LIMD1: variants seen among roughly 807,000 people sequenced by gnomAD.
LIMD1 encodes LIM domain-containing protein 1.
A neutral mutation model predicts 58.4 loss-of-function variants in LIMD1; 23 were observed. That is an observed-to-expected ratio of 0.39 (90% CI 0.28 to 0.56). The LOEUF (loss-of-function observed/expected upper bound fraction) is 0.56. Ranked by LOEUF, LIMD1 falls within the 20% of genes least tolerant of loss-of-function variation. The pLI is 0.57. For synonymous variants in LIMD1, 334 were observed against 345.5 expected, an observed-to-expected ratio of 0.97 and a Z score of 0.37; for missense variants, 838 against 855.5, an observed-to-expected ratio of 0.98 and a Z score of 0.25.
At chr3:45,616,594 C>T (rs1263652300) in intron 1 of LIMD1, among the ~76,000 whole-genome samples, 4 of 151,564 alleles carry the variant, frequency 2.6e-5, no homozygotes, top group Admixed American at 6.6e-5. Context: ...GGGTCCCCCT[C>T]CTGGCTGTGA....
intron 1 of LIMD1, among the ~76,000 whole-genome samples, chr3:45,610,396 C>T (rs150231370): frequency 6.6e-6 from 1 of 152,120 alleles, no homozygotes; most frequent in African/African-American, 2.4e-5. Flanking sequence ...GATGAGCGCT[C>T]TCATGTGGGT....
intron 1 of LIMD1, among the ~76,000 whole-genome samples, chr3:45,611,040 G>T (rs1208801719): frequency 6.6e-6 from 1 of 152,294 alleles, no homozygotes; most frequent in Middle Eastern, 3.4e-3. Flanking sequence ...TTTCTGCTGG[G>T]CAGGGCTGTG....
In LIMD1 at chr3:45,667,622, ATAAGG is replaced by A. The variant is rs1343075447; in HGVS notation, c.1579-663_1579-659del. On this transcript the variant is annotated intron_variant, in intron 3 of 7. Coordinates refer to ENST00000273317, the MANE Select transcript of LIMD1 (RefSeq NM_014240.3). Reference sequence around the variant, plus strand: ...GTGTGTGTGTATGTGTTTAGGTAAGATAAGGTAAGGTAAAGTAGATATTTATTAAG... The same window carrying A: ...GTGTGTGTGTATGTGTTTAGGTAAGATAAGGTAAAGTAGATATTTATTAAG... 1.5e-4 allele frequency among the ~76,000 whole-genome samples: 23 copies of A among 151,086 alleles called. No homozygotes were observed. The South Asian group carries it at 4.3e-3, about 28-fold the overall frequency.
chr3:45,673,469 G>T lies in LIMD1; in HGVS notation c.1788G>T (p.Lys596Asn). 2 of 1,614,064 alleles carry T rather than the reference G, an allele frequency of 1.2e-6. No homozygotes were observed. Among genetic ancestry groups the T allele is most frequent in the Non-Finnish European group, 1.7e-6 (2 of 1,179,934 alleles). Residue 596 changes from lysine (K) to asparagine (N), a missense_variant, in exon 6 of 8, where the codon AAG becomes AAT. This residue lies in a region of LIMD1 where 174 missense variants were observed against 197.4 expected (regional missense o/e 0.88). Transcript: ENST00000273317. Reference sequence around the variant, plus strand: ...CTCCCCACAGGGTGCTGGCCCCCAAGTGTGCAGCCTGTGGGCTTCCCATCC... The same window carrying T: ...CTCCCCACAGGGTGCTGGCCCCCAATTGTGCAGCCTGTGGGCTTCCCATCC... ...VRDYHKVLAPKCAACGLPILP... is the reference protein window; with the variant it reads ...VRDYHKVLAPNCAACGLPILP...
chr3:45,649,553 T>C (rs1397698518), intron 2 of LIMD1, among the ~76,000 whole-genome samples: 4 of 150,504 alleles, frequency 2.7e-5, no homozygotes, highest in Admixed American at 2.7e-4. Context: ...TGGTGGCGGG[T>C]GCCTGTAGTC....
intron 2 of LIMD1, among the ~76,000 whole-genome samples, chr3:45,657,524 CAAAAAAAA>C (rs71617901): frequency 2.0e-4 from 20 of 99,622 alleles, no homozygotes; most frequent in African/African-American, 4.8e-4. Flanking sequence ...GACGCTGTCT[CAAAAAAAA>C]AAAAAAAAAA....
chr3:45,602,835 CT>C (rs57750084), intron 1 of LIMD1, among the ~76,000 whole-genome samples: 1,548 of 141,360 alleles, frequency 0.011, 5 homozygotes, highest in African/African-American at 0.023. Flanking sequence ...GTTTTCATGA[CT>C]TTTTTTTTTT....
chr3:45,667,734 T>G (rs1315767089), intron 3 of LIMD1, among the ~76,000 whole-genome samples: 1 of 152,086 alleles, frequency 6.6e-6, no homozygotes, highest in East Asian at 1.9e-4. Context: ...TACCCTTTGT[T>G]GGCTGTGTGA....
chr3:45,623,208 T>A (rs1701642999), intron 1 of LIMD1, among the ~76,000 whole-genome samples: 2 of 152,150 alleles, frequency 1.3e-5, no homozygotes, highest in South Asian at 4.1e-4. Flanking sequence ...GTATTAGAGT[T>A]GAGAAAGCTC....
At chr3:45,608,162 G>A (rs1447181630) in intron 1 of LIMD1, among the ~76,000 whole-genome samples, 1 of 152,208 alleles carries the variant, frequency 6.6e-6, no homozygotes, top group Non-Finnish European at 1.5e-5. Context: ...GCTGCTTTCT[G>A]GCTGTAAGCT....
chr3:45,627,105 A>G (rs958621361), intron 1 of LIMD1, among the ~76,000 whole-genome samples: 1 of 152,124 alleles, frequency 6.6e-6, no homozygotes, highest in African/African-American at 2.4e-5. Context: ...GGGCCACTCC[A>G]TGCCCAGGGT....
At chr3:45,638,720 C>A (rs1701812893) in intron 2 of LIMD1, among the ~76,000 whole-genome samples, 1 of 152,146 alleles carries the variant, frequency 6.6e-6, no homozygotes, top group South Asian at 2.1e-4. Context: ...TGAGAAATCT[C>A]CTAACTGTTT....
In LIMD1 at chr3:45,599,738, G is replaced by A. The variant is rs139566472; in HGVS notation, c.1408+3451G>A. Among the ~76,000 whole-genome samples, 18 of 152,372 alleles carry A rather than the reference G, an allele frequency of 1.2e-4. No homozygotes were observed. In the East Asian group the frequency reaches 3.5e-3, roughly 29 times the overall value. ...AGGGGCAGGCGTAGCTGCAAGATGAGCTCCCAGGAGTGGGACTGTGGGGCT... is the reference window on the plus strand; with the variant it reads ...AGGGGCAGGCGTAGCTGCAAGATGAACTCCCAGGAGTGGGACTGTGGGGCT... On this transcript the variant is annotated intron_variant, in intron 1 of 7. Coordinates refer to ENST00000273317, the MANE Select transcript of LIMD1 (RefSeq NM_014240.3).
intron 1 of LIMD1, among the ~76,000 whole-genome samples, chr3:45,635,732 C>CAAAAAAAAAAA (rs71095045): frequency 1.4e-5 from 1 of 73,808 alleles, no homozygotes; most frequent in East Asian, 3.6e-4. Context: ...ATCCCCGTCT[C>CAAAAAAAAAAA]AAAAAAAAAA....
chr3:45,627,706 CA>C (rs35897504), intron 1 of LIMD1, among the ~76,000 whole-genome samples: 1,249 of 97,198 alleles, frequency 0.013, 11 homozygotes, highest in Admixed American at 0.015. Flanking sequence ...CTAAAACAAC[CA>C]AAAAAAAAAA....
chr3:45,625,716 C>T (rs1701663591), intron 1 of LIMD1, among the ~76,000 whole-genome samples: 1 of 152,136 alleles, frequency 6.6e-6, no homozygotes, highest in Non-Finnish European at 1.5e-5. Flanking sequence ...TAGCCCCCTT[C>T]CCTGCTTTCT....
chr3:45,627,258 A>T (rs1701676107), intron 1 of LIMD1, among the ~76,000 whole-genome samples: 1 of 152,178 alleles, frequency 6.6e-6, no homozygotes, highest in Admixed American at 6.5e-5. Flanking sequence ...ACTAAGTTTT[A>T]GGGATAAGTA....
intron 2 of LIMD1, among the ~76,000 whole-genome samples, chr3:45,663,867 A>ACTTTTTTTTTT (rs1697475517): frequency 1.3e-5 from 1 of 79,846 alleles, no homozygotes; most frequent in Non-Finnish European, 2.3e-5. Context: ...ATGCCTGGCT[A>ACTTTTTTTTTT]ATTTTTTTTT....
intron 2 of LIMD1, among the ~76,000 whole-genome samples, chr3:45,657,304 T>A (rs1205295009): frequency 6.6e-6 from 1 of 152,146 alleles, no homozygotes; most frequent in Non-Finnish European, 1.5e-5. Context: ...GAGCTGTTCA[T>A]GACACTTAAG....
Sources: gnomAD v4.1 joint callset for allele counts (sites outside exome capture counted in the v4.1 genomes callset) on GRCh38, gnomAD v4.1.1 for gene constraint, gnomAD v4.1.1 regional missense constraint, MANE v1.5 for transcripts, NCBI Gene and HGNC (gene_info 2026-07-23, HGNC 2026-07-21) for gene names.